PAPSS1: variants seen among roughly 807,000 people sequenced by gnomAD.
The protein encoded by PAPSS1 is bifunctional 3'-phosphoadenosine 5'-phosphosulfate synthase 1.
In PAPSS1, 50 loss-of-function variants were observed where a neutral mutation model predicts 72.0. That is an observed-to-expected ratio of 0.69 (90% CI 0.55 to 0.88). The LOEUF (loss-of-function observed/expected upper bound fraction) is 0.88, where lower values mean the gene tolerates loss of function less well. PAPSS1 is among the 40% of genes least tolerant of loss of function. The probability of loss-of-function intolerance (pLI) is 0.00; values close to 1 mark genes in which losing one functional copy is unlikely to be tolerated. For missense variants in PAPSS1, 657 were observed against 782.2 expected (o/e 0.84, Z 1.91); for synonymous variants, 261 against 263.6 (o/e 0.99, Z 0.09).
At chr4:107,629,999 C>G (rs1726189919) in intron 11 of PAPSS1, among the ~76,000 whole-genome samples, 1 of 152,180 alleles carries the variant, frequency 6.6e-6, no homozygotes, top group African/African-American at 2.4e-5. Flanking sequence ...TTGGCTCTTT[C>G]TGGCTTCATT....
chr4:107,717,196 ATAT>A (rs1363520642), intron 1 of PAPSS1, among the ~76,000 whole-genome samples: 1 of 152,174 alleles, frequency 6.6e-6, no homozygotes, highest in African/African-American at 2.4e-5. Flanking sequence ...TAGGTTAAAT[ATAT>A]TATTGAAATT....
At chr4:107,651,101 C>T (rs928404421) in intron 9 of PAPSS1, among the ~76,000 whole-genome samples, 2 of 152,186 alleles carry the variant, frequency 1.3e-5, no homozygotes, top group African/African-American at 4.8e-5. Flanking sequence ...CCAAGTATAG[C>T]ACTCAAAGAA....
intron 9 of PAPSS1, among the ~76,000 whole-genome samples, chr4:107,646,121 C>CA (rs1578395593): frequency 1.3e-5 from 2 of 151,992 alleles, no homozygotes; most frequent in South Asian, 2.1e-4. Flanking sequence ...ACATTAGGTA[C>CA]AAAAAACAGA....
intron 11 of PAPSS1, among the ~76,000 whole-genome samples, chr4:107,631,302 T>TA (rs768376180): frequency 4.6e-5 from 7 of 152,198 alleles, no homozygotes; most frequent in Non-Finnish European, 8.8e-5. Flanking sequence ...TCTCCATACA[T>TA]AGACTCCCTG....
intron 5 of PAPSS1, among the ~76,000 whole-genome samples, chr4:107,671,545 T>C (rs1452151062): frequency 6.6e-6 from 1 of 152,194 alleles, no homozygotes; most frequent in African/African-American, 2.4e-5. Flanking sequence ...CTATTAAATA[T>C]GTGCATTTTT....
At chr4:107,631,575 G>C (rs1726224855) in intron 11 of PAPSS1, 56 bp downstream of exon 11, 3 of 1,227,096 alleles carry the variant, frequency 2.4e-6, no homozygotes, top group Non-Finnish European at 3.5e-6. Context: ...TAAATCCCTG[G>C]GAGCAGCTAG....
chr4:107,633,958 C>G (rs1348843325), intron 10 of PAPSS1, among the ~76,000 whole-genome samples: 1 of 150,850 alleles, frequency 6.6e-6, no homozygotes, highest in African/African-American at 2.4e-5. Context: ...GGTAGCAGTA[C>G]CTGCTAGATT....
intron 5 of PAPSS1, among the ~76,000 whole-genome samples, chr4:107,668,743 T>C (rs1449393414): frequency 1.3e-5 from 2 of 152,090 alleles, no homozygotes; most frequent in African/African-American, 4.8e-5. Flanking sequence ...CTGTGGGACC[T>C]TGTGATCATG....
Position 107,720,212 on chromosome 4 carries a change from C to CT in PAPSS1, c.-34dup. ...GAGCGCGCTGAGCAGCCGGGGTTCTCTGCGCCGGGAGGGTAGCAAGAGGAG... is the reference window on the plus strand; with the variant it reads ...GAGCGCGCTGAGCAGCCGGGGTTCTCTTGCGCCGGGAGGGTAGCAAGAGGAG... On this transcript the variant is annotated 5_prime_UTR_variant, in exon 1 of 12. Coordinates refer to ENST00000265174, the MANE Select transcript of PAPSS1 (RefSeq NM_005443.5). 1 of 1,590,660 alleles carries CT rather than the reference C, an allele frequency of 6.3e-7. No homozygotes were observed. The highest frequency in any genetic ancestry group is 1.7e-5 in the Admixed American group (1 of 58,246).
At chr4:107,712,491 T>G (rs2125942315) in intron 1 of PAPSS1, among the ~76,000 whole-genome samples, 1 of 152,280 alleles carries the variant, frequency 6.6e-6, no homozygotes, top group African/African-American at 2.4e-5. Context: ...CACATAAGAC[T>G]AACCACAAAA....
At chr4:107,693,691 A>G (rs1722998668) in intron 3 of PAPSS1, 80 bp downstream of exon 3, 2 of 946,630 alleles carry the variant, frequency 2.1e-6, no homozygotes, top group Non-Finnish European at 3.4e-6. Context: ...GCACATATCA[A>G]TGTTTAAAGT....
Position 107,614,155 on chromosome 4 carries a change from CCAGA to C in PAPSS1, c.*90_*93del. The C allele has an allele frequency of 7.5e-7, 1 of 1,327,284 alleles. No individual in the cohort carries two copies. Among genetic ancestry groups the C allele is most frequent in the Non-Finnish European group, 1.0e-6 (1 of 956,180 alleles). The allele number at this position is 1,327,284 out of a possible 1,614,324, so 82.2% of individuals were successfully genotyped here. ...AATGGTCTGTTTTTAGGAAGCATGT[CCAGA>C]CAGACACCACAAAGAAATGCCAACA... On this transcript the variant is annotated 3_prime_UTR_variant, in exon 12 of 12. Transcript: ENST00000265174.
chr4:107,626,428 A>C lies in PAPSS1; in HGVS notation c.1736+5203T>G, dbSNP rs528379694. Reference sequence around the variant, plus strand: ...TAACAGAGGGGAAAAAATACAAATAAGATAACTGAATTACCTCTAAAAGTT... The same window carrying C: ...TAACAGAGGGGAAAAAATACAAATACGATAACTGAATTACCTCTAAAAGTT... On this transcript the variant is annotated intron_variant, in intron 11 of 11. Coordinates refer to ENST00000265174, the MANE Select transcript of PAPSS1 (RefSeq NM_005443.5). Among the ~76,000 whole-genome samples, 10 of 152,356 alleles carry C rather than the reference A, an allele frequency of 6.6e-5. No individual in the cohort carries two copies. The South Asian group carries it at 1.7e-3, about 25-fold the overall frequency.
chr4:107,625,859 T>C (rs973950775), intron 11 of PAPSS1, among the ~76,000 whole-genome samples: 1 of 152,144 alleles, frequency 6.6e-6, no homozygotes, highest in Admixed American at 6.5e-5. Flanking sequence ...GAGTGTTTTT[T>C]AAAAATGACA....
At chr4:107,713,247 A>T (rs1422475432) in intron 1 of PAPSS1, among the ~76,000 whole-genome samples, 1 of 152,190 alleles carries the variant, frequency 6.6e-6, no homozygotes, top group African/African-American at 2.4e-5. Flanking sequence ...CATAGATTAT[A>T]TAATTTCATT....
At position 107,693,879 on chromosome 4, in the gene PAPSS1, A is replaced by G. The variant is rs1280518893; in HGVS notation, c.303T>C (p.Phe101=). ...CATTCTCTTCTCTGTCTTCAGGACTAAAGCCAAGATTTTTATTGAGACCTT... is the reference window on the plus strand; with the variant it reads ...CATTCTCTTCTCTGTCTTCAGGACTGAAGCCAAGATTTTTATTGAGACCTT... ...IRQGLNKNLG[F]SPEDREENVR... Residue 101 remains phenylalanine (F), a synonymous_variant, in exon 3 of 12, where the codon TTT becomes TTC. Coordinates refer to ENST00000265174, the MANE Select transcript of PAPSS1 (RefSeq NM_005443.5). The G allele has an allele frequency of 6.2e-7, 1 of 1,613,910 alleles. No individual in the cohort carries two copies. The highest frequency in any genetic ancestry group is 2.2e-5 in the East Asian group (1 of 44,886).
At chr4:107,629,026 T>C (rs1726168166) in intron 11 of PAPSS1, among the ~76,000 whole-genome samples, 1 of 152,168 alleles carries the variant, frequency 6.6e-6, no homozygotes, top group Admixed American at 6.5e-5. Context: ...AAAATGTTCA[T>C]TATCAAAAAC....
intron 1 of PAPSS1, among the ~76,000 whole-genome samples, chr4:107,703,540 G>A (rs1049584263): frequency 3.3e-5 from 5 of 151,786 alleles, no homozygotes; most frequent in Non-Finnish European, 7.4e-5. Flanking sequence ...TTTTATATGA[G>A]GTGAGATAAG....
At chr4:107,707,632 G>A (rs1031251841) in intron 1 of PAPSS1, among the ~76,000 whole-genome samples, 2 of 152,198 alleles carry the variant, frequency 1.3e-5, no homozygotes, top group Non-Finnish European at 2.9e-5. Context: ...GAGGTTGCAG[G>A]CTGGGGGCAG....
Sources: gnomAD v4.1 joint callset for allele counts (sites outside exome capture counted in the v4.1 genomes callset) on GRCh38, gnomAD v4.1.1 for gene constraint, MANE v1.5 for transcripts, NCBI Gene and HGNC (gene_info 2026-07-23, HGNC 2026-07-21) for gene names.